The following TWIST2 variants were observed in gnomAD, a reference collection of about 807,000 sequenced individuals.
The protein encoded by TWIST2 is twist-related protein 2.
In TWIST2, 1 loss-of-function variant was observed where a neutral mutation model predicts 11.6. That is an observed-to-expected ratio of 0.09 (90% CI 0.03 to 0.41). TWIST2 has a LOEUF of 0.41. Ranked by LOEUF, TWIST2 falls within the 10% of genes least tolerant of loss-of-function variation. TWIST2 has a pLI of 0.98. For synonymous variants in TWIST2, 87 were observed against 96.6 expected (o/e 0.90, Z 0.58); for missense variants, 168 against 226.4 (o/e 0.74, Z 1.66).
At chr2:238,882,064 CTCTG>C (rs1406350666) in intron 1 of TWIST2, among the ~76,000 whole-genome samples, 2 of 152,100 alleles carry the variant, frequency 1.3e-5, no homozygotes, top group Non-Finnish European at 2.9e-5. Flanking sequence ...GTCTCTCTCT[CTCTG>C]TCTGTGTCTC....
chr2:238,880,460 G>A (rs1692896812), intron 1 of TWIST2, among the ~76,000 whole-genome samples: 1 of 110,268 alleles, frequency 9.1e-6, no homozygotes, highest in Admixed American at 1.0e-4. Flanking sequence ...GTATTTATTA[G>A]TATTAGTTAC....
chr2:238,857,806 A>G (rs894727709), intron 1 of TWIST2, among the ~76,000 whole-genome samples: 1 of 152,068 alleles, frequency 6.6e-6, no homozygotes, highest in African/African-American at 2.4e-5. Context: ...GTGTGGTGGC[A>G]CACGGCTGTA....
rs1462929459 is a variant in TWIST2, at chr2:238,867,583, C to T, written c.*35+18850C>T. Among the ~76,000 whole-genome samples, 3 of 152,128 alleles carry T rather than the reference C, an allele frequency of 2.0e-5. No homozygotes were observed. The highest frequency in any genetic ancestry group is 4.4e-5 in the Non-Finnish European group (3 of 68,040). Reference sequence around the variant, plus strand: ...TGATAAACAGGAAAGAATATTTTCACTTTGGCACAGGCCTGGCACGGAGGA... The same window carrying T: ...TGATAAACAGGAAAGAATATTTTCATTTTGGCACAGGCCTGGCACGGAGGA... On this transcript the variant is annotated intron_variant, in intron 1 of 1. Coordinates refer to ENST00000612363, the MANE Select transcript of TWIST2 (RefSeq NM_001271893.4). This position sits in a 1 kb window ranked among gnomAD's most constrained non-coding sequence, Gnocchi z 4.8.
At chr2:238,891,478 G>C (rs1031714665) in intron 1 of TWIST2, among the ~76,000 whole-genome samples, 2 of 152,202 alleles carry the variant, frequency 1.3e-5, no homozygotes, top group Non-Finnish European at 2.9e-5. Flanking sequence ...CTGTGTCTCT[G>C]TGTGCTGTCC....
intron 1 of TWIST2, among the ~76,000 whole-genome samples, chr2:238,854,435 T>G (rs958309471): frequency 3.9e-5 from 6 of 152,204 alleles, no homozygotes; most frequent in African/African-American, 1.2e-4. Flanking sequence ...CCTTCGACCT[T>G]GACTAAACAT....
At chr2:238,865,918 C>T (rs184452691) in intron 1 of TWIST2, among the ~76,000 whole-genome samples, 4 of 152,306 alleles carry the variant, frequency 2.6e-5, no homozygotes, top group East Asian at 3.9e-4. Context: ...TACAGTGCCC[C>T]GCCGGGGTCG....
chr2:238,905,934 CGT>C (rs1201534035), intron 1 of TWIST2, among the ~76,000 whole-genome samples: 118 of 103,312 alleles, frequency 1.1e-3, no homozygotes, highest in Non-Finnish European at 1.7e-3. Context: ...TGCGTGTGCG[CGT>C]GTGTGTGCGC....
chr2:238,855,117 C>T (rs754056996), intron 1 of TWIST2, among the ~76,000 whole-genome samples: 1 of 152,216 alleles, frequency 6.6e-6, no homozygotes, highest in South Asian at 2.1e-4. Context: ...AGCTAGCCTG[C>T]AGGGTTGGCA....
chr2:238,870,581 A>G (rs1692661023), intron 1 of TWIST2, among the ~76,000 whole-genome samples: 1 of 74,894 alleles, frequency 1.3e-5, no homozygotes, highest in African/African-American at 5.5e-5. Flanking sequence ...CACACCACAC[A>G]CACACACCAC....
chr2:238,895,736 C>T (rs985679769), intron 1 of TWIST2, among the ~76,000 whole-genome samples: 4 of 152,170 alleles, frequency 2.6e-5, no homozygotes, highest in South Asian at 2.1e-4. Flanking sequence ...GCCTCAGCCC[C>T]GGTAGAGCCC....
At chr2:238,893,883 C>T (rs915187082) in intron 1 of TWIST2, among the ~76,000 whole-genome samples, 12 of 152,276 alleles carry the variant, frequency 7.9e-5, no homozygotes, top group South Asian at 2.1e-4. Context: ...CTTTACGACG[C>T]GCCGTCCTCC....
rs1294633530 is a variant in TWIST2 at position 238,863,395 on chromosome 2, G to A, written c.*35+14662G>A. Among the ~76,000 whole-genome samples the A allele has an allele frequency of 2.6e-5, 4 of 152,164 alleles. No homozygotes were observed. Among genetic ancestry groups the A allele is most frequent in the Non-Finnish European group, 5.9e-5 (4 of 68,042 alleles). On this transcript the variant is annotated intron_variant, in intron 1 of 1. Coordinates refer to ENST00000612363, the MANE Select transcript of TWIST2 (RefSeq NM_001271893.4). This position sits in a 1 kb window ranked among gnomAD's most constrained non-coding sequence, Gnocchi z 4.7. ...TTTCAGAAGAGGCCTTTCGTGTTAG[G>A]ATAATTCAGAAGGATGCACCCGGAA...
At chr2:238,876,185 C>A (rs1247132519) in intron 1 of TWIST2, among the ~76,000 whole-genome samples, 1 of 152,194 alleles carries the variant, frequency 6.6e-6, no homozygotes, top group East Asian at 1.9e-4. Flanking sequence ...TCAGGAACGG[C>A]TGAACCTCAC....
chr2:238,903,236 A>G (rs1194556275), intron 1 of TWIST2, among the ~76,000 whole-genome samples: 5 of 95,334 alleles, frequency 5.2e-5, no homozygotes, highest in African/African-American at 8.5e-5. Context: ...ATGGGTGTGG[A>G]ATGGGTGTGT....
At chr2:238,893,608 C>T (rs1693174025) in intron 1 of TWIST2, among the ~76,000 whole-genome samples, 2 of 152,176 alleles carry the variant, frequency 1.3e-5, no homozygotes, top group African/African-American at 2.4e-5. Flanking sequence ...TCAAAGCCTC[C>T]GTGTGCTCAG....
chr2:238,885,322 C>T (rs1056020190), intron 1 of TWIST2, among the ~76,000 whole-genome samples: 2 of 152,336 alleles, frequency 1.3e-5, no homozygotes, highest in African/African-American at 4.8e-5. Flanking sequence ...TCATGCTGCC[C>T]GACTCAGCTT....
At chr2:238,892,785 AAT>A (rs1693161736) in intron 1 of TWIST2, among the ~76,000 whole-genome samples, 1 of 152,100 alleles carries the variant, frequency 6.6e-6, no homozygotes, top group African/African-American at 2.4e-5. Context: ...CCGGCCTTCT[AAT>A]ATGTTTTTTT....
At chr2:238,887,534 T>A (rs1319271185) in intron 1 of TWIST2, among the ~76,000 whole-genome samples, 1 of 152,240 alleles carries the variant, frequency 6.6e-6, no homozygotes, top group Non-Finnish European at 1.5e-5. Flanking sequence ...AAACCCTTGC[T>A]TTGGCACTGG....
At chr2:238,904,377 A>AGTGTGT (rs1212023370) in intron 1 of TWIST2, among the ~76,000 whole-genome samples, 1 of 87,956 alleles carries the variant, frequency 1.1e-5, no homozygotes, top group Admixed American at 1.2e-4. Flanking sequence ...TGTTTGAGGT[A>AGTGTGT]GTGTGTGTGT....
Sources: allele counts gnomAD v4.1 joint callset (sites outside exome capture counted in the v4.1 genomes callset), GRCh38; gene constraint gnomAD v4.1.1; non-coding constraint Gnocchi (gnomAD v3.1); transcripts MANE v1.5; gene names NCBI Gene and HGNC (gene_info 2026-07-23, HGNC 2026-07-21).